The following PIK3CG variants were observed in gnomAD, a reference collection of about 807,000 sequenced individuals.
PIK3CG encodes phosphatidylinositol 4,5-bisphosphate 3-kinase catalytic subunit gamma isoform.
In PIK3CG, 55 loss-of-function variants were observed where a neutral mutation model predicts 102.3. The observed-to-expected ratio is 0.54, with a 90% CI of 0.43 to 0.67. The LOEUF (loss-of-function observed/expected upper bound fraction) is 0.67. PIK3CG is among the 30% of genes least tolerant of loss of function. PIK3CG has a pLI of 0.00. For missense variants in PIK3CG, 1,258 were observed against 1,391.8 expected, an observed-to-expected ratio of 0.90 and a Z score of 1.53; for synonymous variants, 552 against 540.0, an observed-to-expected ratio of 1.02 and a Z score of -0.31.
intron 10 of PIK3CG, among the ~76,000 whole-genome samples, chr7:106,901,691 G>A (rs547444612): frequency 6.6e-6 from 1 of 152,160 alleles, no homozygotes; most frequent in Non-Finnish European, 1.5e-5. Context: ...CTGCATGTGG[G>A]TGCTCCTTTA....
chr7:106,870,910 A>C (rs963382404), intron 2 of PIK3CG, among the ~76,000 whole-genome samples: 3 of 152,232 alleles, frequency 2.0e-5, no homozygotes, highest in Admixed American at 6.5e-5. Flanking sequence ...GAATAATTAA[A>C]GAATCTTCAG....
intron 7 of PIK3CG, 89 bp from the exon 8 acceptor site, chr7:106,882,944 G>T (rs1156879010): frequency 1.0e-5 from 8 of 798,968 alleles, no homozygotes; most frequent in East Asian, 3.0e-5. Context: ...AAAACCCTCT[G>T]CCCTTCACTC....
At chr7:106,865,927 C>G (rs991279786) in intron 1 of PIK3CG, among the ~76,000 whole-genome samples, 1 of 152,200 alleles carries the variant, frequency 6.6e-6, no homozygotes, top group East Asian at 1.9e-4. Context: ...TTACAGTTCT[C>G]TTCTTTGTTA....
intron 5 of PIK3CG, among the ~76,000 whole-genome samples, chr7:106,875,625 A>G (rs1023875529): frequency 2.6e-5 from 4 of 152,180 alleles, no homozygotes; most frequent in Admixed American, 2.6e-4. Context: ...TTTACTTTCC[A>G]TAATGCTTTT....
chr7:106,905,201 G>T lies in PIK3CG; in HGVS notation c.3123G>T (p.Gln1041His), dbSNP rs1461415145. ...TGATGCTGATGACAGGAATGCCCCA[G>T]TTAACAAGCAAAGAAGACATTGAAT... The part of the protein sequence containing the change: ...FSMMLMTGMP[Q>H]LTSKEDIEYI... Residue 1041 changes from glutamine to histidine, a missense_variant, in exon 11 of 11, where the codon CAG (glutamine) becomes CAT (histidine). Around this residue, in one of 2 missense-constraint regions of PIK3CG, gnomAD observed 426 missense variants for 604.2 expected, o/e 0.71. Transcript: ENST00000496166. This position sits in a 1 kb window ranked among gnomAD's most constrained non-coding sequence, Gnocchi z 5.6. 6.2e-7 allele frequency: 1 copy of T among 1,614,094 alleles called. No individual in the cohort carries two copies. The highest frequency in any genetic ancestry group is 2.2e-5 in the East Asian group (1 of 44,870).
At chr7:106,904,017 T>G (rs1053164877) in intron 10 of PIK3CG, among the ~76,000 whole-genome samples, 2 of 152,116 alleles carry the variant, frequency 1.3e-5, no homozygotes, top group African/African-American at 4.8e-5. Context: ...CACCTTGGCC[T>G]CCCAAAGTGC....
At position 106,884,642 on chromosome 7, in the gene PIK3CG, G is replaced by T. The variant is rs879637729; in HGVS notation, c.2872+376G>T. 9.8e-5 allele frequency among the ~76,000 whole-genome samples: 15 copies of T among 152,298 alleles called. No homozygotes were observed. The highest frequency in any genetic ancestry group is 4.1e-4 in the South Asian group (2 of 4,826). On this transcript the variant is annotated intron_variant, in intron 9 of 10. Transcript: ENST00000496166. This position sits in a 1 kb window ranked among gnomAD's most constrained non-coding sequence, Gnocchi z 4.2. ...CTTCTTGGAAGACACCTTTTCCACG[G>T]ACAGGGGTGGGGGAGCAAGGATGGT...
rs1441271649 is a variant in PIK3CG, at chr7:106,889,803, C to T, written c.3030+3511C>T. The stretch of plus-strand genomic sequence containing the variant: ...CCAAGGGAGCTACTTTAGCCTAGGA[C>T]CATAGTCACACTTACTTCTAGAATA... On this transcript the variant is annotated intron_variant, in intron 10 of 10. Coordinates refer to ENST00000496166, the MANE Select transcript of PIK3CG (RefSeq NM_001282426.2). Among the ~76,000 whole-genome samples the T allele has an allele frequency of 2.0e-5, 3 of 152,146 alleles. No individual in the cohort carries two copies. In the East Asian group the frequency reaches 5.8e-4, roughly 29 times the overall value.
intron 7 of PIK3CG, chr7:106,882,771 ATTTAT>A: frequency 3.0e-6 from 1 of 334,526 alleles, no homozygotes; most frequent in Non-Finnish European, 5.4e-6. Flanking sequence ...AAATGCTTTT[ATTTAT>A]TACTATTCAA....
At position 106,868,690 on chromosome 7, in the gene PIK3CG, A is replaced by G. The variant is rs752883989; in HGVS notation, c.1129A>G (p.Thr377Ala). 6 of 1,614,090 alleles carry G rather than the reference A, an allele frequency of 3.7e-6. No homozygotes were observed. In the African/African-American group the frequency reaches 6.7e-5, roughly 18 times the overall value. ...GIDIPVLPRNTDLTVFVEANI... is the reference protein window; with the variant it reads ...GIDIPVLPRNADLTVFVEANI... The stretch of plus-strand genomic sequence containing the variant: ...TGATATCCCCGTCCTGCCTCGGAAC[A>G]CCGACCTCACAGTTTTTGTAGAGGC... The change falls in exon 2 of 11, where the codon ACC (threonine) becomes GCC (alanine). Residue 377 changes from threonine (T) to alanine (A), a missense_variant. Thr to Ala is a moderately conservative substitution (Grantham distance 58). Around this residue, in one of 2 missense-constraint regions of PIK3CG, gnomAD observed 832 missense variants for 787.5 expected, o/e 1.06. Coordinates refer to ENST00000496166, the MANE Select transcript of PIK3CG (RefSeq NM_001282426.2). The surrounding 1 kb of genome is among the most constrained non-coding windows in gnomAD (Gnocchi z 6.2).
chr7:106,886,062 C>A, intron 9 of PIK3CG, 73 bp from the exon 10 acceptor site: 1 of 1,319,308 alleles, frequency 7.6e-7, no homozygotes, highest in African/African-American at 1.5e-5. Context: ...CATTTTTAGG[C>A]AACTCAAAGA....
chr7:106,876,122 G>C (rs1288231657), intron 5 of PIK3CG, among the ~76,000 whole-genome samples: 1 of 150,436 alleles, frequency 6.6e-6, no homozygotes, highest in Non-Finnish European at 1.5e-5. Flanking sequence ...CACCTTGTTA[G>C]CCAGGATGGT....
chr7:106,885,320 A>G (rs554617734), intron 9 of PIK3CG, among the ~76,000 whole-genome samples: 2 of 152,248 alleles, frequency 1.3e-5, no homozygotes, highest in African/African-American at 4.8e-5. Flanking sequence ...ATCACCAGTG[A>G]CAGATGTTGC....
At position 106,867,953 on chromosome 7, in the gene PIK3CG, G is replaced by C. The variant is rs762519363; in HGVS notation, c.392G>C (p.Ser131Thr). 1 of 1,612,914 alleles carries C rather than the reference G, an allele frequency of 6.2e-7. No homozygotes were observed. Among genetic ancestry groups the C allele is most frequent in the Admixed American group, 1.7e-5 (1 of 60,024 alleles). ...CGCTACTGGAAGGCCACGCACCGGA[G>C]CCCGGGCCAGATCCACCTGGTGCAG... ...CLRYWKATHR[S>T]PGQIHLVQRH... Residue 131 changes from serine (S) to threonine (T), a missense_variant, in exon 2 of 11, where the codon AGC (serine) becomes ACC (threonine). Physicochemically the swap from Ser to Thr is moderately conservative, Grantham distance 58. Around this residue, in one of 2 missense-constraint regions of PIK3CG, gnomAD observed 832 missense variants for 787.5 expected, o/e 1.06. Transcript: ENST00000496166. This position sits in a 1 kb window ranked among gnomAD's most constrained non-coding sequence, Gnocchi z 5.1.
rs1790442678 is a variant in PIK3CG, at chr7:106,869,195, C to T, written c.1634C>T (p.Ala545Val). ...GACCCGGAAGGGGACCGGGTTCGAG[C>T]AGAAATGCCCAACCAGCTTCGCAAG... The part of the protein sequence containing the change: ...TPDPEGDRVR[A>V]EMPNQLRKQL... The change falls in exon 2 of 11, where the codon GCA becomes GTA. Residue 545 changes from alanine to valine, a missense_variant. Physicochemically the swap from Ala to Val is moderately conservative, Grantham distance 64. Transcript: ENST00000496166. This position sits in a 1 kb window ranked among gnomAD's most constrained non-coding sequence, Gnocchi z 5.3. 6.2e-7 allele frequency: 1 copy of T among 1,614,206 alleles called. No individual in the cohort carries two copies. Among genetic ancestry groups the T allele is most frequent in the East Asian group, 2.2e-5 (1 of 44,872 alleles).
chr7:106,873,089 A>G (rs1790596169), intron 4 of PIK3CG, 151 bp downstream of exon 4: 1 of 611,482 alleles, frequency 1.6e-6, no homozygotes, highest in Non-Finnish European at 2.9e-6. Context: ...TGCATGGAGT[A>G]AACAAATTTA....
In PIK3CG at chr7:106,869,609, C is replaced by T. The variant is rs968647385; in HGVS notation, c.1995+53C>T. The T allele has an allele frequency of 3.7e-5, 52 of 1,403,380 alleles. No individual in the cohort carries two copies. The highest frequency in any genetic ancestry group is 4.4e-5 in the Non-Finnish European group (45 of 1,032,766). The allele number at this position is 1,403,380 out of a possible 1,614,324, so 86.9% of individuals were successfully genotyped here. On this transcript the variant is annotated intron_variant, in intron 2 of 10. Coordinates refer to ENST00000496166, the MANE Select transcript of PIK3CG (RefSeq NM_001282426.2). This position sits in a 1 kb window ranked among gnomAD's most constrained non-coding sequence, Gnocchi z 5.3. ...AGCCTTCTCAAAAGGAATTGATTTG[C>T]ATATGCACAGGCACTCCATTCAGTT...
intron 10 of PIK3CG, among the ~76,000 whole-genome samples, chr7:106,888,174 T>G (rs893185273): frequency 3.3e-5 from 5 of 151,858 alleles, no homozygotes; most frequent in African/African-American, 1.2e-4. Flanking sequence ...CTCTCGACCT[T>G]GTGATCCGCC....
At chr7:106,900,160 T>G (rs1284500385) in intron 10 of PIK3CG, among the ~76,000 whole-genome samples, 1 of 152,172 alleles carries the variant, frequency 6.6e-6, no homozygotes, top group Non-Finnish European at 1.5e-5. Flanking sequence ...TAGTTTCTGA[T>G]GGTTGTTTTT....
Sources: allele counts gnomAD v4.1 joint callset (sites outside exome capture counted in the v4.1 genomes callset), GRCh38; gene constraint gnomAD v4.1.1; regional missense constraint gnomAD v4.1.1; non-coding constraint Gnocchi (gnomAD v3.1); transcripts MANE v1.5; gene names NCBI Gene and HGNC (gene_info 2026-07-23, HGNC 2026-07-21).